PCDHA5: variants seen among roughly 807,000 people sequenced by gnomAD.
PCDHA5 encodes the protein protocadherin alpha 5.
In PCDHA5, 43 loss-of-function variants were observed where a neutral mutation model predicts 61.6. That is an observed-to-expected ratio of 0.70 (90% CI 0.55 to 0.90). PCDHA5 has a LOEUF of 0.90. Among genes scored for constraint, PCDHA5 ranks in the 40% least tolerant of loss-of-function variants. The pLI, the probability that PCDHA5 is intolerant of heterozygous loss-of-function variation, is 0.00. For synonymous variants in PCDHA5, 627 were observed against 543.9 expected (o/e 1.15, Z -2.13); for missense variants, 1,298 against 1,222.7 (o/e 1.06, Z -0.92).
intron 1 of PCDHA5, among the ~76,000 whole-genome samples, chr5:140,930,807 A>G (rs2087132034): frequency 6.6e-6 from 1 of 152,206 alleles, no homozygotes; most frequent in Non-Finnish European, 1.5e-5. Flanking sequence ...AGCATATAAG[A>G]TATGCTTAGT....
rs376929883 is a variant in PCDHA5 at position 140,967,867 on chromosome 5, C to T, written c.2353-11082C>T. Reference sequence around the variant, plus strand: ...ATGACAATGCCCCAGAGGTGGTGCTCACGGACCTGTATAGCCCAGTGCCTG... The same window carrying T: ...ATGACAATGCCCCAGAGGTGGTGCTTACGGACCTGTATAGCCCAGTGCCTG... On this transcript the variant is annotated intron_variant, in intron 1 of 3. Coordinates refer to ENST00000529859, the MANE Select transcript of PCDHA5 (RefSeq NM_018908.3). 48 of 1,614,012 alleles carry T rather than the reference C, an allele frequency of 3.0e-5. No individual in the cohort carries two copies. The African/African-American group carries it at 6.0e-4, about 20-fold the overall frequency.
chr5:140,951,150 ATAGT>A (rs33995910), intron 1 of PCDHA5, among the ~76,000 whole-genome samples: 85,202 of 151,324 alleles, frequency 0.56, 24,547 homozygotes, highest in African/African-American at 0.69. Context: ...CTTATTGAAT[ATAGT>A]TATAGTAGCT....
rs2150334258 is a variant in PCDHA5 at position 140,842,331 on chromosome 5, T to A, written c.2352+18204T>A. 3.4e-5 allele frequency: 55 copies of A among 1,607,694 alleles called. No individual in the cohort carries two copies. The East Asian group carries it at 1.2e-3, about 35-fold the overall frequency. On this transcript the variant is annotated intron_variant, in intron 1 of 3. Coordinates refer to ENST00000529859, the MANE Select transcript of PCDHA5 (RefSeq NM_018908.3). ...CCCATGGCGGGTCATTGCACCGTTT[T>A]AGTGAGAATTTTGGATAAAAATGAT...
chr5:140,929,413 A>G, intron 1 of PCDHA5: 1 of 1,505,438 alleles, frequency 6.6e-7, no homozygotes, highest in Non-Finnish European at 8.9e-7. Context: ...AGCCTTTCAC[A>G]ACATTTCATC....
At chr5:141,006,353 A>G (rs2098269096) in intron 3 of PCDHA5, among the ~76,000 whole-genome samples, 1 of 151,784 alleles carries the variant, frequency 6.6e-6, no homozygotes, top group Admixed American at 6.6e-5. Flanking sequence ...CTGGGACTAT[A>G]GGCGCCCACC....
intron 1 of PCDHA5, among the ~76,000 whole-genome samples, chr5:140,951,315 C>T (rs782114634): frequency 6.6e-6 from 1 of 151,988 alleles, no homozygotes. Context: ...ATGTGTTATT[C>T]TTGAGATTCA....
intron 1 of PCDHA5, among the ~76,000 whole-genome samples, chr5:140,959,063 A>G (rs190067147): frequency 2.0e-5 from 3 of 152,292 alleles, no homozygotes; most frequent in Admixed American, 2.0e-4. Flanking sequence ...TGCAGTATAT[A>G]TAGAATTCAG....
intron 1 of PCDHA5, chr5:140,868,886 A>G: frequency 1.4e-6 from 1 of 730,322 alleles, no homozygotes; most frequent in Non-Finnish European, 2.1e-6. Context: ...TCACAGTTTT[A>G]GGCGCAAGGT....
At chr5:140,842,661 A>G in intron 1 of PCDHA5, 1 of 1,595,428 alleles carries the variant, frequency 6.3e-7, no homozygotes, top group Non-Finnish European at 8.6e-7. Flanking sequence ...GAGGTGGCCG[A>G]CGTGAACGAC....
chr5:140,839,165 G>GA (rs2150295216), intron 1 of PCDHA5, among the ~76,000 whole-genome samples: 88,383 of 151,582 alleles, frequency 0.58, 26,857 homozygotes, highest in African/African-American at 0.73. Context: ...CTTGTTGAAA[G>GA]ATATTCAGTT....
intron 1 of PCDHA5, chr5:140,860,673 C>A (rs955931174): frequency 1.2e-4 from 18 of 152,210 alleles, no homozygotes; most frequent in African/African-American, 4.3e-4. Context: ...AAATCAAATG[C>A]ACTTATGTTT....
At chr5:140,882,446 G>T (rs556783584) in intron 1 of PCDHA5, 1 of 1,613,924 alleles carries the variant, frequency 6.2e-7, no homozygotes, top group African/African-American at 1.3e-5. Flanking sequence ...GGCGGAGCTG[G>T]TGCCGCGCCT....
intron 1 of PCDHA5, chr5:140,830,290 G>T (rs554863669): frequency 6.2e-7 from 1 of 1,613,848 alleles, no homozygotes; most frequent in African/African-American, 1.3e-5. Context: ...GCGCGTGCAC[G>T]GCGGACAAGC....
intron 1 of PCDHA5, chr5:140,884,714 C>A: frequency 1.4e-6 from 2 of 1,471,312 alleles, no homozygotes; most frequent in Non-Finnish European, 9.0e-7. Context: ...GCCTTCCTTG[C>A]AGTTGTTTGT....
At chr5:140,937,302 G>T (rs1554211521) in intron 1 of PCDHA5, among the ~76,000 whole-genome samples, 4 of 152,094 alleles carry the variant, frequency 2.6e-5, no homozygotes, top group African/African-American at 9.7e-5. Flanking sequence ...CTCCCAAAGT[G>T]CTGGGATTAC....
intron 1 of PCDHA5, among the ~76,000 whole-genome samples, chr5:140,935,799 A>T (rs1423027036): frequency 1.3e-5 from 2 of 151,978 alleles, no homozygotes; most frequent in African/African-American, 4.8e-5. Flanking sequence ...TATAAACGAG[A>T]TTATTTCATA....
At chr5:140,895,964 C>T (rs2065282764) in intron 1 of PCDHA5, among the ~76,000 whole-genome samples, 2 of 152,120 alleles carry the variant, frequency 1.3e-5, no homozygotes, top group South Asian at 4.1e-4. Flanking sequence ...GTGCCTGTCA[C>T]CAGGCCTAGC....
At chr5:140,854,247 T>C (rs782783926) in intron 1 of PCDHA5, 12 of 635,110 alleles carry the variant, frequency 1.9e-5, no homozygotes, top group Non-Finnish European at 2.4e-5. Context: ...TGTTATCACT[T>C]GGTATAAAAT....
rs971447494 is a variant in PCDHA5, at chr5:140,855,570, A to G, written c.2352+31443A>G. 1.4e-4 allele frequency among the ~76,000 whole-genome samples: 21 copies of G among 149,936 alleles called. 2 individuals carry two copies. Among genetic ancestry groups the G allele is most frequent in the African/African-American group, 5.1e-4 (21 of 40,914 alleles). ...GAACTTAAATGGAACTAAAGTTGTCATTTAATAAAATATTAGTATACTCAG... is the reference window on the plus strand; with the variant it reads ...GAACTTAAATGGAACTAAAGTTGTCGTTTAATAAAATATTAGTATACTCAG... On this transcript the variant is annotated intron_variant, in intron 1 of 3. Transcript: ENST00000529859.
Sources: allele counts gnomAD v4.1 joint callset (sites outside exome capture counted in the v4.1 genomes callset), GRCh38; gene constraint gnomAD v4.1.1; transcripts MANE v1.5; gene names NCBI Gene and HGNC (gene_info 2026-07-23, HGNC 2026-07-21).